ITFG1: variants seen among roughly 807,000 people sequenced by gnomAD.
The protein encoded by ITFG1 is T-cell immunomodulatory protein.
In ITFG1, 34 loss-of-function variants were observed where a neutral mutation model predicts 81.8. That is an observed-to-expected ratio of 0.42 (90% confidence interval 0.32 to 0.55). The LOEUF (loss-of-function observed/expected upper bound fraction) is 0.55, where lower values mean the gene tolerates loss of function less well. Ranked by LOEUF, ITFG1 falls within the 20% of genes least tolerant of loss-of-function variation. The pLI, the probability that ITFG1 is intolerant of heterozygous loss-of-function variation, is 0.17. For synonymous variants in ITFG1, 285 were observed against 270.6 expected (o/e 1.05, Z -0.52); for missense variants, 672 against 755.4 (o/e 0.89, Z 1.29).
chr16:47,276,342 G>A (rs971690915), intron 10 of ITFG1, among the ~76,000 whole-genome samples: 5 of 152,044 alleles, frequency 3.3e-5, no homozygotes, highest in Admixed American at 6.6e-5. Flanking sequence ...AAGCTGTGTC[G>A]GAGTTTTATG....
At chr16:47,433,304 T>C (rs1969116928) in intron 5 of ITFG1, among the ~76,000 whole-genome samples, 1 of 152,248 alleles carries the variant, frequency 6.6e-6, no homozygotes, top group Non-Finnish European at 1.5e-5. Context: ...AATTCATTGC[T>C]ATAACTTAAA....
intron 12 of ITFG1, among the ~76,000 whole-genome samples, chr16:47,255,872 G>C (rs1966132847): frequency 6.6e-6 from 1 of 152,140 alleles, no homozygotes; most frequent in Non-Finnish European, 1.5e-5. Flanking sequence ...ATGAAGGAGA[G>C]ATTAAATGTG....
chr16:47,199,419 C>T (rs548848313), intron 14 of ITFG1, among the ~76,000 whole-genome samples: 1 of 152,316 alleles, frequency 6.6e-6, no homozygotes, highest in Non-Finnish European at 1.5e-5. Context: ...TCTAGTTGTA[C>T]AAGCTACATT....
chr16:47,436,654 AG>A (rs1357329968), intron 5 of ITFG1, among the ~76,000 whole-genome samples: 1 of 152,216 alleles, frequency 6.6e-6, no homozygotes, highest in Non-Finnish European at 1.5e-5. Flanking sequence ...GAATGAAAAA[AG>A]GTTTATTACA....
At chr16:47,419,948 T>G (rs1968923663) in intron 6 of ITFG1, among the ~76,000 whole-genome samples, 1 of 149,518 alleles carries the variant, frequency 6.7e-6, no homozygotes, top group African/African-American at 2.5e-5. Context: ...TTTTTCTTTA[T>G]CTTCTCTTTT....
intron 8 of ITFG1, among the ~76,000 whole-genome samples, chr16:47,324,638 G>A (rs912205883): frequency 6.6e-6 from 1 of 152,156 alleles, no homozygotes; most frequent in Non-Finnish European, 1.5e-5. Context: ...AGGGATGGAG[G>A]AAGATCTACC....
chr16:47,185,785 C>G (rs1161359894), intron 14 of ITFG1, among the ~76,000 whole-genome samples: 2 of 152,094 alleles, frequency 1.3e-5, no homozygotes, highest in Non-Finnish European at 2.9e-5. Flanking sequence ...GAAATAGGGA[C>G]ACAAAAAACC....
At chr16:47,442,342 T>C (rs978972596) in intron 5 of ITFG1, among the ~76,000 whole-genome samples, 4 of 152,062 alleles carry the variant, frequency 2.6e-5, no homozygotes, top group Admixed American at 1.3e-4. Flanking sequence ...TTAAAGTTCA[T>C]ATGGAACCAA....
intron 8 of ITFG1, among the ~76,000 whole-genome samples, chr16:47,350,472 G>C (rs369131871): frequency 6.6e-6 from 1 of 152,134 alleles, no homozygotes; most frequent in East Asian, 1.9e-4. Context: ...AGTAGAAATG[G>C]ATAAATTCCT....
chr16:47,314,205 T>C (rs1322125517), intron 8 of ITFG1, among the ~76,000 whole-genome samples: 2 of 152,038 alleles, frequency 1.3e-5, no homozygotes, highest in Admixed American at 1.3e-4. Context: ...AAAAGAAAAA[T>C]GTATAGTGTT....
intron 10 of ITFG1, among the ~76,000 whole-genome samples, chr16:47,304,977 G>T (rs191743318): frequency 6.6e-6 from 1 of 152,214 alleles, no homozygotes; most frequent in Admixed American, 6.5e-5. Flanking sequence ...AACTGTATAT[G>T]TTGATGATTC....
chr16:47,291,473 C>T (rs566707542), intron 10 of ITFG1, among the ~76,000 whole-genome samples: 18 of 152,168 alleles, frequency 1.2e-4, no homozygotes, highest in Non-Finnish European at 2.5e-4. Flanking sequence ...TGAATTGAAA[C>T]GTCCATCTCT....
chr16:47,229,602 CAAAA>C (rs112579446), intron 13 of ITFG1, among the ~76,000 whole-genome samples: 1 of 99,238 alleles, frequency 1.0e-5, no homozygotes, highest in Admixed American at 1.1e-4. Context: ...TGCAGTCAGG[CAAAA>C]AAAAAAAAAA....
In ITFG1 at chr16:47,349,404, G is replaced by T. The variant is rs1185996329; in HGVS notation, c.802+16384C>A. On this transcript the variant is annotated intron_variant, in intron 8 of 17. Coordinates refer to ENST00000320640, the MANE Select transcript of ITFG1 (RefSeq NM_030790.5). The stretch of plus-strand genomic sequence containing the variant: ...TGGAAAACAAAAAAAGGCAGGGGTT[G>T]CAATCCTAGTCTCTGATAAAACAGA... 2.0e-5 allele frequency among the ~76,000 whole-genome samples: 3 copies of T among 152,254 alleles called. No homozygotes were observed. The East Asian group carries it at 5.8e-4, about 29-fold the overall frequency.
intron 14 of ITFG1, among the ~76,000 whole-genome samples, chr16:47,181,847 A>C (rs559029122): frequency 1.3e-4 from 20 of 152,318 alleles, no homozygotes; most frequent in East Asian, 9.6e-4. Context: ...AAGAAAAATT[A>C]TTCTGCCTTG....
chr16:47,267,271 AATATTAAT>A (rs1304084428), intron 10 of ITFG1, among the ~76,000 whole-genome samples: 1 of 152,218 alleles, frequency 6.6e-6, no homozygotes, highest in Non-Finnish European at 1.5e-5. Flanking sequence ...CTGGAGTGAC[AATATTAAT>A]AAGAGAGAAG....
chr16:47,343,749 G>T (rs1967815294), intron 8 of ITFG1, among the ~76,000 whole-genome samples: 1 of 152,098 alleles, frequency 6.6e-6, no homozygotes. Flanking sequence ...CCGCACTGCT[G>T]GTAGGAACGT....
rs1473019220 is a variant in ITFG1 at position 47,376,003 on chromosome 16, CAG to C, written c.656-65_656-64del. 5 of 911,632 alleles carry C rather than the reference CAG, an allele frequency of 5.5e-6. No homozygotes were observed. In the African/African-American group the frequency reaches 8.6e-5, roughly 16 times the overall value. The allele number at this position is 911,632 out of a possible 1,614,324, so 56.5% of individuals were successfully genotyped here. A position where few individuals can be genotyped will look rare whatever the true frequency, so the allele number is the denominator to read the frequency against. On this transcript the variant is annotated intron_variant, in intron 6 of 17. Transcript: ENST00000320640. ...TCTTACTGATGTGTACATTTAAAAA[CAG>C]AAAAAAAATGCAATACATTAAAAGA...
intron 5 of ITFG1, among the ~76,000 whole-genome samples, chr16:47,443,022 A>C (rs907460864): frequency 2.2e-4 from 33 of 152,276 alleles, no homozygotes; most frequent in African/African-American, 7.0e-4. Flanking sequence ...GGCTAATATC[A>C]AGAATCTACA....
Sources: allele counts gnomAD v4.1 joint callset (sites outside exome capture counted in the v4.1 genomes callset), GRCh38; gene constraint gnomAD v4.1.1; transcripts MANE v1.5; gene names NCBI Gene and HGNC (gene_info 2026-07-23, HGNC 2026-07-21).